CADM2: variants seen among roughly 807,000 people sequenced by gnomAD.
CADM2 encodes the protein cell adhesion molecule 2.
Under a neutral mutation model 49.8 loss-of-function variants are expected in CADM2, and 12 were observed. The observed-to-expected ratio is 0.24, with a 90% confidence interval of 0.15 to 0.39. CADM2 has a LOEUF of 0.39. Among genes scored for constraint, CADM2 ranks in the 10% least tolerant of loss-of-function variants. The pLI is 1.00. For synonymous variants in CADM2, 214 were observed against 175.4 expected (o/e 1.22, Z -1.74); for missense variants, 378 against 492.3 (o/e 0.77, Z 2.20).
intron 1 of CADM2, among the ~76,000 whole-genome samples, chr3:85,508,675 A>C (rs1244898901): frequency 1.3e-5 from 2 of 152,242 alleles, no homozygotes; most frequent in East Asian, 3.9e-4. Context: ...TAAATGTATA[A>C]AGGAAAATTC....
chr3:85,601,150 A>C (rs879893994), intron 1 of CADM2, among the ~76,000 whole-genome samples: 1 of 116,318 alleles, frequency 8.6e-6, no homozygotes, highest in Admixed American at 9.0e-5. Flanking sequence ...ATATATATAT[A>C]TATATATATA....
At chr3:85,289,982 G>A (rs527574356) in intron 1 of CADM2, among the ~76,000 whole-genome samples, 20 of 152,316 alleles carry the variant, frequency 1.3e-4, no homozygotes, top group Admixed American at 3.3e-4. Flanking sequence ...AGCTACCAGC[G>A]TGAGCTCAGC....
At chr3:85,338,456 G>A (rs766582905) in intron 1 of CADM2, among the ~76,000 whole-genome samples, 6 of 151,418 alleles carry the variant, frequency 4.0e-5, no homozygotes, top group East Asian at 1.9e-4. Context: ...CAATAGCCCC[G>A]AGAAGCCAGT....
intron 1 of CADM2, among the ~76,000 whole-genome samples, chr3:85,341,221 G>A (rs1435279744): frequency 1.3e-5 from 2 of 151,416 alleles, no homozygotes; most frequent in African/African-American, 4.8e-5. Context: ...AATTGTTCTG[G>A]TTTATTATAA....
chr3:85,760,683 G>A (rs2069331699), intron 2 of CADM2, among the ~76,000 whole-genome samples: 1 of 152,016 alleles, frequency 6.6e-6, no homozygotes, highest in African/African-American at 2.4e-5. Flanking sequence ...AAGTTTTATG[G>A]TTCATAATGG....
At chr3:85,877,684 GTTTTTTTTTTT>G (rs368101272) in intron 3 of CADM2, among the ~76,000 whole-genome samples, 1,658 of 112,006 alleles carry the variant, frequency 0.015, 29 homozygotes, top group Non-Finnish European at 0.019. Context: ...TTTTTCTTCT[GTTTTTTTTTTT>G]TTTTTTTTGG....
intron 1 of CADM2, among the ~76,000 whole-genome samples, chr3:85,614,595 G>T (rs1445324200): frequency 1.3e-5 from 2 of 151,722 alleles, no homozygotes; most frequent in Non-Finnish European, 3.0e-5. Flanking sequence ...GTACATTTGT[G>T]TGCTCTTTAC....
chr3:86,057,845 A>C (rs141046537), intron 8 of CADM2, among the ~76,000 whole-genome samples: 12 of 152,298 alleles, frequency 7.9e-5, no homozygotes, highest in Admixed American at 3.9e-4. Flanking sequence ...AAAAAAAAGG[A>C]ATACAGACTA....
chr3:85,670,658 A>G (rs1180044605), intron 1 of CADM2, among the ~76,000 whole-genome samples: 1 of 152,220 alleles, frequency 6.6e-6, no homozygotes, highest in African/African-American at 2.4e-5. Context: ...AAATGTTAAC[A>G]TAAAAAGATT....
chr3:85,836,596 G>A (rs1182993072), intron 3 of CADM2, among the ~76,000 whole-genome samples: 2 of 151,472 alleles, frequency 1.3e-5, no homozygotes. Flanking sequence ...GGATGTGTGT[G>A]GCATAAAGGA....
intron 1 of CADM2, among the ~76,000 whole-genome samples, chr3:85,054,527 T>A (rs2036004626): frequency 1.3e-5 from 2 of 151,988 alleles, no homozygotes; most frequent in East Asian, 3.9e-4. Context: ...GGAAGGCTAG[T>A]CTTATGAATT....
intron 8 of CADM2, among the ~76,000 whole-genome samples, chr3:86,049,335 T>A (rs1737061896): frequency 6.6e-6 from 1 of 151,294 alleles, no homozygotes; most frequent in African/African-American, 2.4e-5. Context: ...AGTGCAGTGG[T>A]GTGATCTTGG....
At chr3:86,025,204 C>T (rs773986322) in intron 8 of CADM2, among the ~76,000 whole-genome samples, 1 of 151,874 alleles carries the variant, frequency 6.6e-6, no homozygotes, top group African/African-American at 2.4e-5. Flanking sequence ...TACAGGCGCC[C>T]GCCACCACGC....
At chr3:85,553,227 A>T (rs1229308235) in intron 1 of CADM2, among the ~76,000 whole-genome samples, 1 of 152,174 alleles carries the variant, frequency 6.6e-6, no homozygotes, top group Non-Finnish European at 1.5e-5. Flanking sequence ...GTTATTAATG[A>T]TGATAATGAT....
At chr3:85,829,572 T>G (rs1477083367) in intron 3 of CADM2, among the ~76,000 whole-genome samples, 3 of 151,974 alleles carry the variant, frequency 2.0e-5, no homozygotes, top group Non-Finnish European at 4.4e-5. Context: ...CACAATCAAA[T>G]TAATTAACAC....
chr3:85,324,653 C>A (rs921911860), intron 1 of CADM2, among the ~76,000 whole-genome samples: 3 of 152,204 alleles, frequency 2.0e-5, no homozygotes, highest in African/African-American at 7.2e-5. Context: ...ATCATCCACA[C>A]ATATTTTAAA....
chr3:85,082,909 A>G (rs141542230), intron 1 of CADM2, among the ~76,000 whole-genome samples: 3 of 152,264 alleles, frequency 2.0e-5, no homozygotes, highest in Admixed American at 6.5e-5. Flanking sequence ...AACTGAGTGC[A>G]TATGTCCTGA....
chr3:85,132,201 A>T (rs1050255190), intron 1 of CADM2, among the ~76,000 whole-genome samples: 3 of 152,194 alleles, frequency 2.0e-5, no homozygotes, highest in African/African-American at 4.8e-5. Context: ...TCAGTTTCTG[A>T]TAAACTTACA....
intron 1 of CADM2, among the ~76,000 whole-genome samples, chr3:85,179,701 A>AT (rs1184203864): frequency 1.3e-5 from 2 of 152,064 alleles, no homozygotes; most frequent in East Asian, 3.9e-4. Flanking sequence ...TTTTGGATAG[A>AT]TTTTTTTCCA....
Sources: gnomAD v4.1 joint callset for allele counts (sites outside exome capture counted in the v4.1 genomes callset) on GRCh38, gnomAD v4.1.1 for gene constraint, MANE v1.5 for transcripts, NCBI Gene and HGNC (gene_info 2026-07-23, HGNC 2026-07-21) for gene names.